Variants in GRHL3 observed in about 807,000 individuals in gnomAD.
GRHL3 encodes the protein grainyhead-like protein 3 homolog.
GRHL3 carries 20 observed loss-of-function variants against 70.3 expected under a neutral mutation model. That is an observed-to-expected ratio of 0.28 (90% CI 0.20 to 0.41). The LOEUF (loss-of-function observed/expected upper bound fraction) is 0.41, where lower values mean the gene tolerates loss of function less well. Among genes scored for constraint, GRHL3 ranks in the 10% least tolerant of loss-of-function variants. The pLI is 1.00. For synonymous variants in GRHL3, 299 were observed against 299.9 expected (o/e 1.00, Z 0.03); for missense variants, 637 against 762.3 (o/e 0.84, Z 1.94).
chr1:24,334,680 T>C lies in GRHL3; in HGVS notation c.240T>C (p.Thr80=). ...AGAAGCGGATATTGTCCTCCAGCAC[T>C]GGGGGCAGGAATGACCAAGGAAAGA... ...PKEKRILSSS[T]GGRNDQGKRY... is the part of the protein sequence containing the mutation. The change falls in exon 3 of 16, where the codon ACT becomes ACC. Residue 80 remains threonine, a synonymous_variant. Transcript: ENST00000361548. The surrounding 1 kb of genome is among the most constrained non-coding windows in gnomAD (Gnocchi z 4.3). 6.2e-7 allele frequency: 1 copy of C among 1,611,730 alleles called. No homozygotes were observed. The highest frequency in any genetic ancestry group is 8.5e-7 in the Non-Finnish European group (1 of 1,179,300).
intron 11 of GRHL3, 36 bp downstream of exon 11, chr1:24,343,061 G>C: frequency 6.2e-7 from 1 of 1,613,410 alleles, no homozygotes; most frequent in Non-Finnish European, 8.5e-7. Context: ...AAGGAGCCGA[G>C]AGAGGGTCCT....
chr1:24,332,423 G>A (rs1329095700), intron 2 of GRHL3, among the ~76,000 whole-genome samples: 1 of 152,216 alleles, frequency 6.6e-6, no homozygotes, highest in Non-Finnish European at 1.5e-5. Context: ...GGTTGGACCA[G>A]TCAGGAATCA....
intron 2 of GRHL3, among the ~76,000 whole-genome samples, chr1:24,333,530 G>C (rs1217942094): frequency 6.6e-6 from 1 of 152,076 alleles, no homozygotes; most frequent in East Asian, 1.9e-4. Flanking sequence ...ACTCATGAAA[G>C]GTCACATTTA....
exon 16 of GRHL3, chr1:24,364,336 G>A (rs1201031946): frequency 3.2e-5 from 50 of 1,548,402 alleles, no homozygotes; most frequent in South Asian, 6.0e-5. Context: ...CCCCACCACC[G>A]TCAACAGCCT....
intron 15 of GRHL3, among the ~76,000 whole-genome samples, chr1:24,363,006 T>G (rs1004914019): frequency 6.6e-6 from 1 of 152,182 alleles, no homozygotes; most frequent in African/African-American, 2.4e-5. Flanking sequence ...AGACATTTGA[T>G]GAGTTTGTGG....
At chr1:24,354,127 AGCTGTGAGTGTGGGG>A (rs531110693) in intron 15 of GRHL3, among the ~76,000 whole-genome samples, 149 of 152,332 alleles carry the variant, frequency 9.8e-4, no homozygotes, top group Middle Eastern at 3.4e-3. Context: ...CCGGCGCAGT[AGCTGTGAGTGTGGGG>A]GCCAGCAGGC....
intron 1 of GRHL3, among the ~76,000 whole-genome samples, chr1:24,330,235 A>T (rs182810629): frequency 0.012 from 1,768 of 152,176 alleles, 19 homozygotes; most frequent in Non-Finnish European, 0.018. Context: ...TTAAAAATCT[A>T]CTCTTCTAGA....
intron 14 of GRHL3, among the ~76,000 whole-genome samples, chr1:24,348,542 C>T (rs1408948277): frequency 1.3e-5 from 2 of 152,204 alleles, no homozygotes; most frequent in African/African-American, 4.8e-5. Flanking sequence ...TTGGGTTGGA[C>T]AATACCTTAA....
In GRHL3 at chr1:24,322,142, A is replaced by G. The variant is rs1332695186; in HGVS notation, c.17+2574A>G. ...GGCCCCGTTGACAGCCCAGGAAGGGAGAGTTTCGCCGCAAAGGGGCTTGGC... is the reference window on the plus strand; with the variant it reads ...GGCCCCGTTGACAGCCCAGGAAGGGGGAGTTTCGCCGCAAAGGGGCTTGGC... On this transcript the variant is annotated intron_variant, in intron 1 of 15. Transcript: ENST00000361548. This position sits in a 1 kb window ranked among gnomAD's most constrained non-coding sequence, Gnocchi z 4.4. 6.6e-6 allele frequency among the ~76,000 whole-genome samples: 1 copy of G among 152,008 alleles called. No individual in the cohort carries two copies. Among genetic ancestry groups the G allele is most frequent in the African/African-American group, 2.4e-5 (1 of 41,402 alleles).
In GRHL3 at chr1:24,343,018, C is replaced by G. The variant is rs547231326; in HGVS notation, c.1412C>G (p.Ser471Cys). Reference protein sequence around the residue: ...PNVHFSSLQRSGGAAPSAGPS... With the variant: ...PNVHFSSLQRCGGAAPSAGPS... ...GTGCACTTCTCCAGCCTGCAGCGCT[C>G]TGGAGGGGTGAGGCCAGGGCTGGGG... The change falls in exon 11 of 16, where the codon TCT becomes TGT. Residue 471 changes from serine (S) to cysteine (C), a missense_variant. Physicochemically the swap from Ser to Cys is moderately radical, Grantham distance 112. This residue lies in a region of GRHL3 where 387 missense variants were observed against 513.8 expected (regional missense o/e 0.75). Coordinates refer to ENST00000361548, the MANE Select transcript of GRHL3 (RefSeq NM_198173.3). 5.0e-5 allele frequency: 80 copies of G among 1,614,054 alleles called. 1 individual carries two copies. The South Asian group carries it at 8.0e-4, about 16-fold the overall frequency.
In GRHL3 at chr1:24,342,993, G is replaced by A. The variant is rs147511442; in HGVS notation, c.1387G>A (p.Val463Met). 3.2e-5 allele frequency: 52 copies of A among 1,614,080 alleles called. No homozygotes were observed. The South Asian group carries it at 3.5e-4, about 11-fold the overall frequency. The change falls in exon 11 of 16, where the codon GTG (valine) becomes ATG (methionine). Residue 463 changes from valine (V) to methionine (M), a missense_variant. Coordinates refer to ENST00000361548, the MANE Select transcript of GRHL3 (RefSeq NM_198173.3). This position sits in a 1 kb window ranked among gnomAD's most constrained non-coding sequence, Gnocchi z 4.8. ...ETPPVLFIPN[V>M]HFSSLQRSGG... is the part of the protein sequence containing the mutation. ...GCCACCCGTGCTGTTCATCCCCAAT[G>A]TGCACTTCTCCAGCCTGCAGCGCTC...
Position 24,342,239 on chromosome 1 carries a change from G to A in GRHL3, c.1172G>A (p.Arg391His), listed in dbSNP as rs1315515436. The A allele has an allele frequency of 3.7e-6, 6 of 1,611,962 alleles. No homozygotes were observed. The highest frequency in any genetic ancestry group is 2.2e-5 in the East Asian group (1 of 44,870). Residue 391 changes from arginine (R) to histidine (H), a missense_variant, in exon 9 of 16, where the codon CGT becomes CAT. This residue lies in a region of GRHL3 where 387 missense variants were observed against 513.8 expected (regional missense o/e 0.75). Transcript: ENST00000361548. This position sits in a 1 kb window ranked among gnomAD's most constrained non-coding sequence, Gnocchi z 4.8. The part of the protein sequence containing the change: ...CGLGTERLVH[R>H]AVCQIKIFCD... ...TTGGGCACTGAGCGCCTGGTACACC[G>A]TGCTGTCTGCCAGATCAAGATCTTC...
At chr1:24,360,621 G>A (rs1327434008) in intron 15 of GRHL3, among the ~76,000 whole-genome samples, 1 of 152,116 alleles carries the variant, frequency 6.6e-6, no homozygotes, top group Non-Finnish European at 1.5e-5. Context: ...AGATGTTCAT[G>A]GTCCTCAGTA....
Position 24,354,555 on chromosome 1 carries a change from CACA to C in GRHL3, c.*70_*72del. The C allele has an allele frequency of 4.1e-6, 4 of 965,092 alleles. No individual in the cohort carries two copies. The highest frequency in any genetic ancestry group is 6.7e-6 in the Non-Finnish European group (4 of 596,944). 59.8% of individuals were successfully genotyped at this position (965,092 alleles called of 1,614,324 possible). A position where few individuals can be genotyped will look rare whatever the true frequency, so the allele number is the denominator to read the frequency against. On this transcript the variant is annotated 3_prime_UTR_variant, in exon 16 of 16. Transcript: ENST00000361548. ...AGCAGGGACGTGGCCCCACGCCACA[CACA>C]ACCTCTCCACATGCCTCAGCGCTGT... is the stretch of plus-strand genomic sequence containing the variant.
At chr1:24,328,045 C>T (rs1639459870) in intron 1 of GRHL3, among the ~76,000 whole-genome samples, 1 of 152,190 alleles carries the variant, frequency 6.6e-6, no homozygotes, top group South Asian at 2.1e-4. Context: ...AGAAACTCTT[C>T]CAGTCATCAT....
At position 24,334,455 on chromosome 1, in the gene GRHL3, C is replaced by T. The variant is rs919851762; in HGVS notation, c.205-190C>T. On this transcript the variant is annotated intron_variant, in intron 2 of 15. Coordinates refer to ENST00000361548, the MANE Select transcript of GRHL3 (RefSeq NM_198173.3). This position sits in a 1 kb window ranked among gnomAD's most constrained non-coding sequence, Gnocchi z 4.3. ...AACAGCAGCATGGGAGTAACCACCC[C>T]CATCATGCAATTACCTCCCACTCCC... Among the ~76,000 whole-genome samples, 17 of 151,990 alleles carry T rather than the reference C, an allele frequency of 1.1e-4. No individual in the cohort carries two copies. Among genetic ancestry groups the T allele is most frequent in the African/African-American group, 3.9e-4 (16 of 41,358 alleles).
At chr1:24,345,360 C>A (rs371155210) in intron 12 of GRHL3, among the ~76,000 whole-genome samples, 3 of 148,902 alleles carry the variant, frequency 2.0e-5, no homozygotes, top group East Asian at 4.0e-4. Context: ...ATGCCCATTG[C>A]CCCCAGCCTG....
At position 24,337,086 on chromosome 1, in the gene GRHL3, C is replaced by G. The variant is rs200652417; in HGVS notation, c.621C>G (p.Leu207=). 6.2e-7 allele frequency: 1 copy of G among 1,613,986 alleles called. No homozygotes were observed. The highest frequency in any genetic ancestry group is 2.2e-5 in the East Asian group (1 of 44,878). ...TFKDDPQESM[L]FPDILKTSPE... is the part of the protein sequence containing the mutation. The stretch of plus-strand genomic sequence containing the variant: ...GCTGTGTTTCTCTGCAGTCGATGCT[C>G]TTCCCAGATATCCTGAAAACCTCCC... The change falls in exon 5 of 16, where the codon CTC becomes CTG. Residue 207 remains leucine, a synonymous_variant. Transcript: ENST00000361548.
chr1:24,359,340 G>T (rs142551578), downstream of GRHL3, among the ~76,000 whole-genome samples: 13 of 152,266 alleles, frequency 8.5e-5, no homozygotes, highest in Non-Finnish European at 1.6e-4. This position sits in a 1 kb window ranked among gnomAD's most constrained non-coding sequence, Gnocchi z 5.3. Context: ...TGCTTCCAGA[G>T]GATGTGGTAG....
Sources: allele counts gnomAD v4.1 joint callset (sites outside exome capture counted in the v4.1 genomes callset), GRCh38; gene constraint gnomAD v4.1.1; regional missense constraint gnomAD v4.1.1; non-coding constraint Gnocchi (gnomAD v3.1); transcripts MANE v1.5; gene names NCBI Gene and HGNC (gene_info 2026-07-23, HGNC 2026-07-21).